Variants in MAP4K3 observed in about 807,000 individuals in gnomAD.
The protein encoded by MAP4K3 is mitogen-activated protein kinase kinase kinase kinase 3, also known as MAPK/ERK kinase kinase kinase 3.
A neutral mutation model predicts 143.5 loss-of-function variants in MAP4K3; 94 were observed. The ratio of observed to expected loss-of-function variants is 0.65; its 90% CI spans 0.55 to 0.78. The LOEUF is 0.78. MAP4K3 is among the 30% of genes least tolerant of loss of function. The pLI, the probability that MAP4K3 is intolerant of heterozygous loss-of-function variation, is 0.00. For synonymous variants in MAP4K3, 416 were observed against 347.2 expected, an observed-to-expected ratio of 1.20 and a Z score of -2.20; for missense variants, 1,077 against 1,068.1, an observed-to-expected ratio of 1.01 and a Z score of -0.12.
rs144015612 is a variant in MAP4K3, at chr2:39,407,419, G to A, written c.97-29296C>T. Among the ~76,000 whole-genome samples the A allele has an allele frequency of 6.1e-3, 931 of 151,874 alleles. 13 individuals are homozygous for A. Among genetic ancestry groups the A allele is most frequent in the African/African-American group, 0.021 (872 of 41,430 alleles). Reference sequence around the variant, plus strand: ...GAGAATGGTTTGATAATCTGAAGAAGTGGTTTGGCTTAAAAACGTCAAGAA... The same window carrying A: ...GAGAATGGTTTGATAATCTGAAGAAATGGTTTGGCTTAAAAACGTCAAGAA... On this transcript the variant is annotated intron_variant, in intron 1 of 33. Coordinates refer to ENST00000263881, the MANE Select transcript of MAP4K3 (RefSeq NM_003618.4).
chr2:39,330,815 A>G lies in MAP4K3; in HGVS notation c.530+1102T>C, dbSNP rs751685343. On this transcript the variant is annotated intron_variant, in intron 8 of 33. Coordinates refer to ENST00000263881, the MANE Select transcript of MAP4K3 (RefSeq NM_003618.4). ...AAAAACAGAAACAAGAAACTAAGTAAATTTAAAATGAAATTATTAAAATCA... is the reference window on the plus strand; with the variant it reads ...AAAAACAGAAACAAGAAACTAAGTAGATTTAAAATGAAATTATTAAAATCA... Among the ~76,000 whole-genome samples the G allele has an allele frequency of 7.9e-5, 12 of 152,278 alleles. No homozygotes were observed. The South Asian group carries it at 1.7e-3, about 21-fold the overall frequency.
intron 2 of MAP4K3, among the ~76,000 whole-genome samples, chr2:39,361,774 G>C (rs956468433): frequency 2.0e-5 from 3 of 151,364 alleles, no homozygotes; most frequent in Non-Finnish European, 4.4e-5. Flanking sequence ...TCTGTTGTTA[G>C]TTTTCATGTT....
chr2:39,375,553 C>T (rs7568684), intron 2 of MAP4K3, among the ~76,000 whole-genome samples: 9 of 152,216 alleles, frequency 5.9e-5, no homozygotes, highest in African/African-American at 1.9e-4. Context: ...ATTTGCTAAG[C>T]GTAGGTCTTA....
intron 1 of MAP4K3, among the ~76,000 whole-genome samples, chr2:39,417,701 G>C (rs1018443987): frequency 1.3e-5 from 2 of 152,128 alleles, no homozygotes; most frequent in Non-Finnish European, 2.9e-5. Flanking sequence ...ATATATACAC[G>C]TATTTCCTAG....
intron 15 of MAP4K3, among the ~76,000 whole-genome samples, chr2:39,303,637 C>G (rs1361344064): frequency 6.6e-6 from 1 of 152,160 alleles, no homozygotes; most frequent in South Asian, 2.1e-4. Flanking sequence ...CTTCTGGGTT[C>G]AAGAGATTCT....
At chr2:39,347,008 G>A (rs1229981860) in intron 3 of MAP4K3, among the ~76,000 whole-genome samples, 1 of 152,044 alleles carries the variant, frequency 6.6e-6, no homozygotes, top group Admixed American at 6.6e-5. Flanking sequence ...GAGGTCCCAT[G>A]AGAGTCCCTG....
intron 1 of MAP4K3, among the ~76,000 whole-genome samples, chr2:39,393,474 AATCC>A (rs1371593756): frequency 1.3e-5 from 2 of 152,180 alleles, no homozygotes; most frequent in East Asian, 1.9e-4. Context: ...AAGTCATTAC[AATCC>A]ATCCATTTTT....
At chr2:39,377,201 C>CTT (rs56149359) in intron 2 of MAP4K3, among the ~76,000 whole-genome samples, 4 of 110,598 alleles carry the variant, frequency 3.6e-5, no homozygotes, top group African/African-American at 2.9e-5. Flanking sequence ...GCTATTTGGC[C>CTT]TTTTTTTTTT....
chr2:39,391,883 G>T (rs916993390), intron 1 of MAP4K3, among the ~76,000 whole-genome samples: 8 of 151,974 alleles, frequency 5.3e-5, no homozygotes, highest in Non-Finnish European at 8.8e-5. Context: ...GGACATCACT[G>T]ATTAAAATGT....
intron 15 of MAP4K3, among the ~76,000 whole-genome samples, chr2:39,301,820 C>T (rs1234698568): frequency 2.0e-5 from 3 of 152,078 alleles, no homozygotes; most frequent in Admixed American, 6.6e-5. Context: ...GTCAGGAGGT[C>T]GAGATCATCC....
chr2:39,292,658 A>G (rs1379606813), intron 18 of MAP4K3, 115 bp downstream of exon 18: 1 of 828,244 alleles, frequency 1.2e-6, no homozygotes, highest in African/African-American at 1.7e-5. Context: ...CTGAGATACA[A>G]CCCATGATAT....
At chr2:39,417,334 C>A (rs1312925578) in intron 1 of MAP4K3, among the ~76,000 whole-genome samples, 3 of 152,088 alleles carry the variant, frequency 2.0e-5, no homozygotes, top group Non-Finnish European at 4.4e-5. Flanking sequence ...ATTCTCCGGC[C>A]TCAGCCTCCT....
chr2:39,344,042 T>A lies in MAP4K3; in HGVS notation c.246-590A>T, dbSNP rs953804690. 3.3e-5 allele frequency among the ~76,000 whole-genome samples: 5 copies of A among 152,240 alleles called. No individual in the cohort carries two copies. In the East Asian group the frequency reaches 5.8e-4, roughly 18 times the overall value. ...TTCAGTCATTCATTATTTAATCTCTTAAAAATGTACCAGGAAATGTACCAT... is the reference window on the plus strand; with the variant it reads ...TTCAGTCATTCATTATTTAATCTCTAAAAAATGTACCAGGAAATGTACCAT... On this transcript the variant is annotated intron_variant, in intron 3 of 33. Coordinates refer to ENST00000263881, the MANE Select transcript of MAP4K3 (RefSeq NM_003618.4).
chr2:39,260,496 T>A, intron 29 of MAP4K3, 110 bp downstream of exon 29: 1 of 784,406 alleles, frequency 1.3e-6, no homozygotes. Flanking sequence ...ATAATAGTTA[T>A]TGAAGACTGG....
intron 1 of MAP4K3, among the ~76,000 whole-genome samples, chr2:39,401,184 A>G (rs1666944156): frequency 5.9e-5 from 9 of 152,144 alleles, no homozygotes; most frequent in Admixed American, 5.9e-4. Context: ...AGGACAGAGT[A>G]CCAAAACAGA....
chr2:39,363,711 T>C lies in MAP4K3; in HGVS notation c.155-7372A>G, dbSNP rs190189345. The stretch of plus-strand genomic sequence containing the variant: ...AAAAGAGCTATGGTTGAATGGGTGA[T>C]GGATATATGAAATAGCTTGATTTGA... On this transcript the variant is annotated intron_variant, in intron 2 of 33. Transcript: ENST00000263881. Among the ~76,000 whole-genome samples the C allele has an allele frequency of 1.5e-3, 227 of 148,374 alleles. 1 individual carries two copies. Among genetic ancestry groups the C allele is most frequent in the Middle Eastern group, 3.6e-3 (1 of 280 alleles).
At chr2:39,291,764 C>T (rs1328787012) in intron 18 of MAP4K3, among the ~76,000 whole-genome samples, 1 of 152,114 alleles carries the variant, frequency 6.6e-6, no homozygotes, top group African/African-American at 2.4e-5. Flanking sequence ...GCAGTCCCAG[C>T]TACTCAGGAG....
intron 1 of MAP4K3, among the ~76,000 whole-genome samples, chr2:39,416,577 T>C (rs1350669939): frequency 6.6e-6 from 1 of 152,172 alleles, no homozygotes; most frequent in East Asian, 1.9e-4. Flanking sequence ...ACAGACACAA[T>C]CTCTTCAACC....
intron 12 of MAP4K3, among the ~76,000 whole-genome samples, chr2:39,322,592 A>ATGTGTGTGTGTGTGTGTG (rs71752304): frequency 2.1e-5 from 3 of 144,720 alleles, no homozygotes; most frequent in Admixed American, 1.4e-4. Flanking sequence ...GATGTGGTAT[A>ATGTGTGTGTGTGTGTGTG]TGTGTGTGTG....
Sources: allele counts gnomAD v4.1 joint callset (sites outside exome capture counted in the v4.1 genomes callset), GRCh38; gene constraint gnomAD v4.1.1; transcripts MANE v1.5; gene names NCBI Gene and HGNC (gene_info 2026-07-23, HGNC 2026-07-21).